MINAR1: variants seen among roughly 807,000 people sequenced by gnomAD.
MINAR1 encodes membrane integral NOTCH2 associated receptor 1.
MINAR1 carries 40 observed loss-of-function variants against 65.1 expected under a neutral mutation model. The ratio of observed to expected loss-of-function variants is 0.61; its 90% CI spans 0.48 to 0.80. The LOEUF is 0.80. MINAR1 is among the 30% of genes least tolerant of loss of function. MINAR1 has a pLI of 0.00. For missense variants in MINAR1, 1,128 were observed against 1,148.0 expected (o/e 0.98, Z 0.25); for synonymous variants, 482 against 449.1 (o/e 1.07, Z -0.93).
the MINAR1 span, chr15:79,419,077 G>C: frequency 6.6e-6 from 1 of 152,232 alleles, no homozygotes; most frequent in African/African-American, 2.4e-5. Context: ...TGGGACTTCA[G>C]ATATAATGTG....
At chr15:79,432,083 C>T (rs904086060), upstream of MINAR1, among the ~76,000 whole-genome samples, 1 of 152,080 alleles carries the variant, frequency 6.6e-6, no homozygotes, top group Non-Finnish European at 1.5e-5. Flanking sequence ...GTTCCCGGCC[C>T]GCGCTGCTCC....
rs1183041932 is a variant in MINAR1 at position 79,469,543 on chromosome 15, ATC to A, written c.*1161_*1162del. The A allele has an allele frequency of 1.3e-5, 2 of 151,480 alleles. No individual in the cohort carries two copies. Among genetic ancestry groups the A allele is most frequent in the Admixed American group, 1.3e-4 (2 of 15,208 alleles). The allele number at this position is 151,480 out of a possible 1,614,324, so 9.4% of individuals were successfully genotyped here. A position where few individuals can be genotyped will look rare whatever the true frequency, so the allele number is the denominator to read the frequency against. ...TGTTTAACCACTTATCTATATGTCT[ATC>A]TATCTATCTATATGTCTATCTATCT... On this transcript the variant is annotated 3_prime_UTR_variant, in exon 4 of 4. Transcript: ENST00000305428.
intron 3 of MINAR1, among the ~76,000 whole-genome samples, chr15:79,467,067 C>T (rs1214390672): frequency 1.3e-5 from 2 of 151,972 alleles, no homozygotes; most frequent in Non-Finnish European, 2.9e-5. Context: ...CCTAGGGGCA[C>T]AGAGCAAGAT....
the MINAR1 span, chr15:79,415,735 C>G: frequency 2.0e-5 from 3 of 152,136 alleles, no homozygotes; most frequent in Non-Finnish European, 4.4e-5. Context: ...GGGCTCACGT[C>G]TGAGTGTGTC....
intron 1 of MINAR1, among the ~76,000 whole-genome samples, chr15:79,437,736 G>A (rs1452166588): frequency 1.0e-5 from 1 of 97,620 alleles, no homozygotes; most frequent in African/African-American, 3.8e-5. Context: ...AGTGTGTGGG[G>A]TGTGGGTGTG....
chr15:79,458,225 G>C lies in MINAR1; in HGVS notation c.2078G>C (p.Ser693Thr). The change falls in exon 2 of 4, where the codon AGC (serine) becomes ACC (threonine). Residue 693 changes from serine (S) to threonine (T), a missense_variant. Ser to Thr is a moderately conservative substitution (Grantham distance 58). Transcript: ENST00000305428. The part of the protein sequence containing the change: ...CSDASGSNSE[S>T]LRVKALKKSL... The stretch of plus-strand genomic sequence containing the variant: ...GATGCTAGCGGGAGCAACAGTGAAA[G>C]CCTGCGGGTCAAGGCCTTAAAAAAA... 1 of 1,614,106 alleles carries C rather than the reference G, an allele frequency of 6.2e-7. No homozygotes were observed. Among genetic ancestry groups the C allele is most frequent in the Non-Finnish European group, 8.5e-7 (1 of 1,180,034 alleles).
chr15:79,448,347 T>C (rs1999832), intron 1 of MINAR1, among the ~76,000 whole-genome samples: 82,611 of 152,076 alleles, frequency 0.54, 23,497 homozygotes, highest in Admixed American at 0.64. Flanking sequence ...TTGTGGAAGA[T>C]GGCTATCTCT....
At chr15:79,463,548 G>C (rs1895730003) in intron 3 of MINAR1, 1 of 660,900 alleles carries the variant, frequency 1.5e-6, no homozygotes, top group Non-Finnish European at 2.7e-6. Context: ...AGGAATGCTT[G>C]ATTGATTTAT....
Position 79,468,316 on chromosome 15 carries a change from C to T in MINAR1, c.2683C>T (p.Leu895=), listed in dbSNP as rs762799505. 2 of 1,614,118 alleles carry T rather than the reference C, an allele frequency of 1.2e-6. No individual in the cohort carries two copies. Among genetic ancestry groups the T allele is most frequent in the South Asian group, 2.2e-5 (2 of 91,056 alleles). Residue 895 remains leucine, a synonymous_variant, in exon 4 of 4, where the codon CTG becomes TTG. Coordinates refer to ENST00000305428, the MANE Select transcript of MINAR1 (RefSeq NM_015206.3). ...RRAKVCKIAA[L]IAAAACTVIL... is the part of the protein sequence containing the mutation. ...AGCCAAGGTCTGCAAGATAGCTGCT[C>T]TGATCGCTGCTGCGGCATGCACCGT...
At chr15:79,440,348 C>T (rs1894836187) in intron 1 of MINAR1, among the ~76,000 whole-genome samples, 1 of 152,216 alleles carries the variant, frequency 6.6e-6, no homozygotes, top group Non-Finnish European at 1.5e-5. Flanking sequence ...CAGGGAGCTG[C>T]AGCCAGGTCC....
At chr15:79,452,443 A>T (rs111484224) in intron 1 of MINAR1, among the ~76,000 whole-genome samples, 1 of 144,210 alleles carries the variant, frequency 6.9e-6, no homozygotes, top group African/African-American at 2.6e-5. Flanking sequence ...AGTCTGTGTG[A>T]GTGTGTGTGG....
intron 2 of MINAR1, among the ~76,000 whole-genome samples, chr15:79,462,784 C>T (rs1471164258): frequency 6.6e-6 from 1 of 152,172 alleles, no homozygotes; most frequent in South Asian, 2.1e-4. Flanking sequence ...CATTTTCCTA[C>T]CTGTACAATG....
In MINAR1 at chr15:79,463,405, C is replaced by T. The variant is rs62025104; in HGVS notation, c.2553+84C>T. 1.6e-3 allele frequency: 2,491 copies of T among 1,532,380 alleles called. 5 individuals carry two copies. The highest frequency in any genetic ancestry group is 2.1e-3 in the Non-Finnish European group (2,320 of 1,127,208). 94.9% of individuals were successfully genotyped at this position (1,532,380 alleles called of 1,614,324 possible). ...GGAATGGATCACGGACGGCTTAGAC[C>T]GGCCAGCCCACTTCCACACCCTTCA... is the stretch of plus-strand genomic sequence containing the variant. On this transcript the variant is annotated intron_variant, in intron 3 of 3. Coordinates refer to ENST00000305428, the MANE Select transcript of MINAR1 (RefSeq NM_015206.3).
chr15:79,416,205 G>C, the MINAR1 span: 1 of 152,190 alleles, frequency 6.6e-6, no homozygotes, highest in African/African-American at 2.4e-5. Context: ...CATAGCCAAA[G>C]CTGCCACAGA....
At chr15:79,451,671 C>T (rs895888044) in intron 1 of MINAR1, among the ~76,000 whole-genome samples, 1 of 152,202 alleles carries the variant, frequency 6.6e-6, no homozygotes, top group Non-Finnish European at 1.5e-5. Flanking sequence ...CCGCGCTGGG[C>T]ATGGCTGTTC....
chr15:79,451,661 C>CCG (rs1472609285), intron 1 of MINAR1, among the ~76,000 whole-genome samples: 2 of 152,228 alleles, frequency 1.3e-5, no homozygotes, highest in Non-Finnish European at 2.9e-5. Flanking sequence ...AGCTTCCCTG[C>CCG]CGCGCTGGGC....
chr15:79,454,989 C>A (rs1352953456), intron 1 of MINAR1, among the ~76,000 whole-genome samples: 1 of 152,040 alleles, frequency 6.6e-6, no homozygotes, highest in Non-Finnish European at 1.5e-5. Context: ...AAGAAGTGTA[C>A]AGATGTCTGC....
rs200311974 is a variant in MINAR1 at position 79,452,443 on chromosome 15, AGTGT to A, written c.-50-3649_-50-3646del. Among the ~76,000 whole-genome samples, 940 of 144,204 alleles carry A rather than the reference AGTGT, an allele frequency of 6.5e-3. 5 individuals carry two copies. Among genetic ancestry groups the A allele is most frequent in the Middle Eastern group, 0.043 (11 of 258 alleles). The allele number at this position is 144,204 out of a possible 152,430, so 94.6% of individuals were successfully genotyped here. On this transcript the variant is annotated intron_variant, in intron 1 of 3. Coordinates refer to ENST00000305428, the MANE Select transcript of MINAR1 (RefSeq NM_015206.3). ...ATGAGTGTGTGGGTGAGTCTGTGTGAGTGTGTGTGGGTGTGAGTCTGGGTGTGAA... is the reference window on the plus strand; with the variant it reads ...ATGAGTGTGTGGGTGAGTCTGTGTGAGTGTGGGTGTGAGTCTGGGTGTGAA...
At chr15:79,418,285 G>C in the MINAR1 span, 1 of 152,226 alleles carries the variant, frequency 6.6e-6, no homozygotes, top group African/African-American at 2.4e-5. Flanking sequence ...AATGAAATCA[G>C]AGAGGTGAAA....
Sources: gnomAD v4.1 joint callset for allele counts (sites outside exome capture counted in the v4.1 genomes callset) on GRCh38, gnomAD v4.1.1 for gene constraint, MANE v1.5 for transcripts, NCBI Gene and HGNC (gene_info 2026-07-23, HGNC 2026-07-21) for gene names.